MSH3: variants seen among roughly 807,000 people sequenced by gnomAD.
The protein encoded by MSH3 is DNA mismatch repair protein Msh3.
MSH3 carries 106 observed loss-of-function variants against 123.3 expected under a neutral mutation model. That is an observed-to-expected ratio of 0.86 (90% CI 0.73 to 1.01). MSH3 has a LOEUF of 1.01. MSH3 is among the 50% of genes least tolerant of loss of function. MSH3 has a pLI of 0.00. For missense variants in MSH3, 1,459 were observed against 1,347.6 expected, an observed-to-expected ratio of 1.08 and a Z score of -1.29; for synonymous variants, 515 against 481.4, an observed-to-expected ratio of 1.07 and a Z score of -0.91.
At chr5:80,689,702 G>A (rs1329277854) in intron 8 of MSH3, among the ~76,000 whole-genome samples, 4 of 151,242 alleles carry the variant, frequency 2.6e-5, no homozygotes, top group Admixed American at 1.3e-4. Context: ...TATCCCCAAC[G>A]GAAGACCGAG....
intron 22 of MSH3, among the ~76,000 whole-genome samples, chr5:80,867,387 G>A (rs930992767): frequency 6.6e-6 from 1 of 152,158 alleles, no homozygotes; most frequent in Non-Finnish European, 1.5e-5. Flanking sequence ...TTAGAACAAG[G>A]GAACTTTTTC....
chr5:80,784,235 A>AGG (rs1744462338), intron 17 of MSH3, among the ~76,000 whole-genome samples: 1 of 129,576 alleles, frequency 7.7e-6, no homozygotes, highest in African/African-American at 3.8e-5. Context: ...AAAAAAAAAA[A>AGG]AAAAGGGAAA....
intron 4 of MSH3, 89 bp from the exon 5 acceptor site, chr5:80,672,155 C>G: frequency 1.1e-6 from 1 of 941,982 alleles, no homozygotes; most frequent in Non-Finnish European, 1.7e-6. Flanking sequence ...TAAATGTATA[C>G]CTTGATTAAT....
At chr5:80,778,692 C>A in intron 16 of MSH3, 28 bp from the exon 17 acceptor site, 1 of 1,291,502 alleles carries the variant, frequency 7.7e-7, no homozygotes, top group Non-Finnish European at 1.1e-6. Context: ...ACCTTGATTT[C>A]CTATTTGTGT....
intron 11 of MSH3, among the ~76,000 whole-genome samples, chr5:80,743,065 T>C (rs28058): frequency 0.9 from 137,558 of 152,100 alleles, 62,344 homozygotes; most frequent in African/African-American, 0.97. Flanking sequence ...CCACCGCCCC[T>C]CGCCCACCTT....
At chr5:80,683,967 C>G (rs1021057309) in intron 8 of MSH3, among the ~76,000 whole-genome samples, 1 of 150,906 alleles carries the variant, frequency 6.6e-6, no homozygotes, top group Non-Finnish European at 1.5e-5. Context: ...ATGTTCTTGG[C>G]ACCATTGTCA....
intron 8 of MSH3, among the ~76,000 whole-genome samples, chr5:80,702,096 A>G (rs762340264): frequency 1.4e-4 from 21 of 152,190 alleles, no homozygotes; most frequent in Non-Finnish European, 2.6e-4. Context: ...TTATTAATAT[A>G]AATTGACTTA....
chr5:80,824,635 G>A (rs1419851381), intron 20 of MSH3, among the ~76,000 whole-genome samples: 2 of 152,162 alleles, frequency 1.3e-5, no homozygotes, highest in African/African-American at 4.8e-5. Flanking sequence ...AGGTGTACTA[G>A]GGTATGAAGT....
At chr5:80,795,020 CAG>C (rs1332442678) in intron 19 of MSH3, among the ~76,000 whole-genome samples, 5 of 152,048 alleles carry the variant, frequency 3.3e-5, no homozygotes, top group African/African-American at 1.2e-4. Flanking sequence ...TGGTTAGAAA[CAG>C]AAGTACTAAG....
rs6151613 is a variant in MSH3 at position 80,665,470 on chromosome 5, G to A, written c.579+107G>A. On this transcript the variant is annotated intron_variant, in intron 3 of 23. Transcript: ENST00000265081. ...TGGCAATGGTTCCTAAACTTGGATGGTCTTCTGAATCATCTGAGGGAGCTT... is the reference window on the plus strand; with the variant it reads ...TGGCAATGGTTCCTAAACTTGGATGATCTTCTGAATCATCTGAGGGAGCTT... 0.26 allele frequency: 216,574 copies of A among 832,156 alleles called. 30,591 individuals carry two copies. The highest frequency in any genetic ancestry group is 0.4 in the Middle Eastern group (1,157 of 2,902). 51.5% of individuals were successfully genotyped at this position (832,156 alleles called of 1,614,324 possible).
intron 13 of MSH3, among the ~76,000 whole-genome samples, chr5:80,765,055 C>T (rs1744100711): frequency 6.6e-6 from 1 of 152,112 alleles, no homozygotes; most frequent in African/African-American, 2.4e-5. Context: ...TCAGGAGCAG[C>T]CACTTACCCA....
At position 80,728,720 on chromosome 5, in the gene MSH3, G is replaced by A. The variant is rs1580589218; in HGVS notation, c.1454-131G>A. The A allele has an allele frequency of 5.1e-6, 3 of 585,324 alleles. No individual in the cohort carries two copies. The East Asian group carries it at 8.6e-5, about 17-fold the overall frequency. 36.3% of individuals were successfully genotyped at this position (585,324 alleles called of 1,614,324 possible). A position where few individuals can be genotyped will look rare whatever the true frequency, so the allele number is the denominator to read the frequency against. Reference sequence around the variant, plus strand: ...GAGATATTGTCCAAATTATTATTTTGGTAACCATTAAGTTTTACTTAAAAT... The same window carrying A: ...GAGATATTGTCCAAATTATTATTTTAGTAACCATTAAGTTTTACTTAAAAT... On this transcript the variant is annotated intron_variant, in intron 9 of 23. Transcript: ENST00000265081.
At chr5:80,836,017 A>G (rs1294267758) in intron 20 of MSH3, among the ~76,000 whole-genome samples, 1 of 152,134 alleles carries the variant, frequency 6.6e-6, no homozygotes, top group Admixed American at 6.6e-5. Flanking sequence ...AACACCAAAA[A>G]GTACTTTTTG....
Position 80,832,595 on chromosome 5 carries a change from G to A in MSH3, c.2813+18854G>A, listed in dbSNP as rs1481250997. ...GATTGTCCCACTGCACTCCAGCCTCGGTGACAGAGTAAGACTCCATTAAAA... is the reference window on the plus strand; with the variant it reads ...GATTGTCCCACTGCACTCCAGCCTCAGTGACAGAGTAAGACTCCATTAAAA... On this transcript the variant is annotated intron_variant, in intron 20 of 23. Coordinates refer to ENST00000265081, the MANE Select transcript of MSH3 (RefSeq NM_002439.5). Among the ~76,000 whole-genome samples the A allele has an allele frequency of 3.3e-5, 5 of 151,250 alleles. 1 individual carries two copies. The highest frequency in any genetic ancestry group is 3.9e-4 in the East Asian group (2 of 5,152).
intron 8 of MSH3, among the ~76,000 whole-genome samples, chr5:80,724,670 T>C (rs1038720290): frequency 1.4e-4 from 21 of 152,334 alleles, no homozygotes; most frequent in Middle Eastern, 6.8e-3. Flanking sequence ...CCTAATTTAC[T>C]ATATTTGACT....
intron 18 of MSH3, among the ~76,000 whole-genome samples, chr5:80,791,179 C>T (rs1048233043): frequency 2.0e-5 from 3 of 149,908 alleles, no homozygotes; most frequent in Admixed American, 6.7e-5. Flanking sequence ...TATAGACAGA[C>T]AGGAGATTGA....
intron 8 of MSH3, among the ~76,000 whole-genome samples, chr5:80,697,564 A>G (rs1750509451): frequency 6.6e-6 from 1 of 152,214 alleles, no homozygotes; most frequent in African/African-American, 2.4e-5. Context: ...CAAATATGTC[A>G]GTATTATTGA....
At chr5:80,720,359 C>T (rs1324154982) in intron 8 of MSH3, among the ~76,000 whole-genome samples, 2 of 152,052 alleles carry the variant, frequency 1.3e-5, no homozygotes, top group African/African-American at 4.8e-5. Flanking sequence ...CTTGGGGGCA[C>T]CTTTTATACA....
At chr5:80,804,596 ACT>A (rs1561483749) in intron 19 of MSH3, among the ~76,000 whole-genome samples, 1 of 151,976 alleles carries the variant, frequency 6.6e-6, no homozygotes, top group South Asian at 2.1e-4. Context: ...CTAGGCAGAG[ACT>A]CTTGTTGTCC....
Sources: allele counts gnomAD v4.1 joint callset (sites outside exome capture counted in the v4.1 genomes callset), GRCh38; gene constraint gnomAD v4.1.1; transcripts MANE v1.5; gene names NCBI Gene and HGNC (gene_info 2026-07-23, HGNC 2026-07-21).